The following KY variants were observed in gnomAD, a reference collection of about 807,000 sequenced individuals.
KY encodes kyphoscoliosis peptidase.
A neutral mutation model predicts 76.1 loss-of-function variants in KY; 43 were observed. The observed-to-expected ratio is 0.57, with a 90% CI of 0.44 to 0.73. KY has a LOEUF of 0.73. Among genes scored for constraint, KY ranks in the 30% least tolerant of loss-of-function variants. The pLI is 0.00. For synonymous variants in KY, 277 were observed against 326.2 expected, an observed-to-expected ratio of 0.85 and a Z score of 1.63; for missense variants, 722 against 828.9, an observed-to-expected ratio of 0.87 and a Z score of 1.58.
chr3:134,630,697 A>G (rs538589431), intron 3 of KY, among the ~76,000 whole-genome samples: 6 of 152,364 alleles, frequency 3.9e-5, no homozygotes, highest in Non-Finnish European at 7.3e-5. Context: ...GGTGGTGCAC[A>G]TGCAGGGCAG....
chr3:134,649,957 A>T (rs1345801262), intron 1 of KY, among the ~76,000 whole-genome samples: 1 of 152,194 alleles, frequency 6.6e-6, no homozygotes, highest in Non-Finnish European at 1.5e-5. Context: ...ACTCCTAAAG[A>T]ACTGGCCCGC....
At chr3:134,617,889 T>A (rs978558437) in intron 8 of KY, among the ~76,000 whole-genome samples, 43 of 152,012 alleles carry the variant, frequency 2.8e-4, no homozygotes, top group African/African-American at 1.0e-3. Context: ...TGCTAGATAG[T>A]GTGATCCTTT....
intron 1 of KY, among the ~76,000 whole-genome samples, chr3:134,648,462 C>T (rs1167936836): frequency 2.0e-5 from 3 of 152,180 alleles, no homozygotes; most frequent in African/African-American, 4.8e-5. Flanking sequence ...GACTTCAAAG[C>T]TCATTGGGTC....
intron 10 of KY, chr3:134,608,148 G>A: frequency 8.8e-7 from 1 of 1,140,498 alleles, no homozygotes; most frequent in Non-Finnish European, 1.1e-6. Context: ...CCAGATTCCA[G>A]CTCTGCTGAG....
chr3:134,614,529 G>A (rs1961150599), intron 8 of KY, among the ~76,000 whole-genome samples: 1 of 152,004 alleles, frequency 6.6e-6, no homozygotes, highest in South Asian at 2.1e-4. Context: ...GGGCTGCAAA[G>A]GACCACATGG....
chr3:134,643,409 G>A, intron 2 of KY, 31 bp from the exon 3 acceptor site: 1 of 1,593,154 alleles, frequency 6.3e-7, no homozygotes, highest in Non-Finnish European at 8.6e-7. Context: ...GGCCTGCAGT[G>A]ACCACTGGGG....
chr3:134,604,516 C>T (rs747653642), intron 10 of KY, 42 bp from the exon 11 acceptor site: 64 of 1,510,346 alleles, frequency 4.2e-5, no homozygotes, highest in Non-Finnish European at 2.9e-5. Flanking sequence ...GGGTCCAGCA[C>T]GTGCTGATGT....
In KY at chr3:134,603,609, G is replaced by A. The variant is rs771784081; in HGVS notation, c.1956C>T (p.Tyr652=). ...LENANHNFYS[Y]ILKYKVNAQ is the part of the protein sequence containing the mutation. ...GGGCATTCACTTTGTATTTCAGGAT[G>A]TAGGAGTAGAAATTGTGGTTGGCAT... The change falls in exon 11 of 11, where the codon TAC becomes TAT. Residue 652 remains tyrosine, a synonymous_variant. Coordinates refer to ENST00000423778, the MANE Select transcript of KY (RefSeq NM_178554.6). The A allele has an allele frequency of 5.6e-6, 9 of 1,596,366 alleles. No individual in the cohort carries two copies. The African/African-American group carries it at 1.1e-4, about 19-fold the overall frequency.
At chr3:134,642,199 A>AT (rs1965845861) in intron 3 of KY, among the ~76,000 whole-genome samples, 1 of 152,162 alleles carries the variant, frequency 6.6e-6, no homozygotes, top group South Asian at 2.1e-4. Context: ...CTTTCTATAG[A>AT]GAAGCTTGTC....
At chr3:134,604,542 A>T in intron 10 of KY, 68 bp from the exon 11 acceptor site, 15 of 1,369,424 alleles carry the variant, frequency 1.1e-5, no homozygotes, top group Non-Finnish European at 1.5e-5. Flanking sequence ...TAAATGTTTA[A>T]CAACTGTCTC....
rs563164206 is a variant in KY, at chr3:134,610,334, C to T, written c.760G>A (p.Gly254Ser). The T allele has an allele frequency of 9.9e-6, 16 of 1,613,626 alleles. No homozygotes were observed. Among genetic ancestry groups the T allele is most frequent in the African/African-American group, 8.0e-5 (6 of 74,950 alleles). The change falls in exon 9 of 11, where the codon GGC becomes AGC. Residue 254 changes from glycine to serine, a missense_variant. Around this residue, in one of 2 missense-constraint regions of KY, gnomAD observed 552 missense variants for 680.9 expected, o/e 0.81. Transcript: ENST00000423778. ...GAGAAGCTCTGCCCTGTCTGGTAGC[C>T]GAAACCCTTGGAGTAGCCAGGCACG... is the stretch of plus-strand genomic sequence containing the variant. ...MTVPGYSKGFGYQTGQSFSGE... is the reference protein window; with the variant it reads ...MTVPGYSKGFSYQTGQSFSGE...
chr3:134,607,628 G>C, intron 10 of KY: 1 of 985,724 alleles, frequency 1.0e-6, no homozygotes, highest in Non-Finnish European at 1.2e-6. Flanking sequence ...AGGCATAAGA[G>C]ACAATCTTCC....
chr3:134,650,315 G>A (rs1459271934), intron 1 of KY, among the ~76,000 whole-genome samples: 1 of 152,158 alleles, frequency 6.6e-6, no homozygotes, highest in African/African-American at 2.4e-5. Flanking sequence ...ATCTATAGGA[G>A]GCTGGGAGAA....
intron 8 of KY, among the ~76,000 whole-genome samples, chr3:134,618,813 A>G (rs900917798): frequency 3.9e-5 from 6 of 152,192 alleles, no homozygotes; most frequent in African/African-American, 1.2e-4. Flanking sequence ...TGGCATCTGC[A>G]GTCACTGTCC....
intron 3 of KY, among the ~76,000 whole-genome samples, chr3:134,642,758 T>G (rs576871221): frequency 1.3e-5 from 2 of 152,306 alleles, no homozygotes; most frequent in African/African-American, 4.8e-5. Flanking sequence ...GAGGCTGGTT[T>G]CCAGGGGAGA....
At chr3:134,641,746 C>G (rs1472617054) in intron 3 of KY, among the ~76,000 whole-genome samples, 1 of 152,128 alleles carries the variant, frequency 6.6e-6, no homozygotes, top group East Asian at 1.9e-4. Context: ...CGCACACACC[C>G]CTTATCATCC....
At chr3:134,611,308 T>C (rs1352791968) in intron 8 of KY, among the ~76,000 whole-genome samples, 5 of 152,180 alleles carry the variant, frequency 3.3e-5, no homozygotes, top group Admixed American at 2.6e-4. Context: ...ATGAGACATT[T>C]GGAGCTAAAA....
chr3:134,612,251 T>A (rs992388967), intron 8 of KY, among the ~76,000 whole-genome samples: 11 of 152,172 alleles, frequency 7.2e-5, no homozygotes, highest in Admixed American at 6.5e-4. Flanking sequence ...TGGGAGCACT[T>A]GAGGGCATGG....
intron 2 of KY, among the ~76,000 whole-genome samples, chr3:134,647,226 C>T (rs1256138744): frequency 2.0e-5 from 3 of 152,212 alleles, no homozygotes; most frequent in African/African-American, 7.2e-5. Context: ...GCTCTTCAGC[C>T]ACAGCCTCCA....
Sources: gnomAD v4.1 joint callset for allele counts (sites outside exome capture counted in the v4.1 genomes callset) on GRCh38, gnomAD v4.1.1 for gene constraint, gnomAD v4.1.1 regional missense constraint, MANE v1.5 for transcripts, NCBI Gene and HGNC (gene_info 2026-07-23, HGNC 2026-07-21) for gene names.